ZNF804A: variants seen among roughly 807,000 people sequenced by gnomAD.
The protein encoded by ZNF804A is zinc finger protein 804A.
In ZNF804A, 2 loss-of-function variants were observed where a neutral mutation model predicts 16.5. The observed-to-expected ratio is 0.12, with a 90% CI of 0.05 to 0.38. The LOEUF (loss-of-function observed/expected upper bound fraction) is 0.38. ZNF804A is among the 10% of genes least tolerant of loss of function. The pLI, the probability that ZNF804A is intolerant of heterozygous loss-of-function variation, is 0.99. For missense variants in ZNF804A, 1,473 were observed against 1,390.7 expected, an observed-to-expected ratio of 1.06 and a Z score of -0.94; for synonymous variants, 534 against 489.6, an observed-to-expected ratio of 1.09 and a Z score of -1.20.
intron 1 of ZNF804A, among the ~76,000 whole-genome samples, chr2:184,734,657 G>T (rs1243963734): frequency 6.6e-6 from 1 of 152,128 alleles, no homozygotes; most frequent in Non-Finnish European, 1.5e-5. Context: ...GTTTGATAAT[G>T]TTGTTTATAG....
At position 184,879,370 on chromosome 2, in the gene ZNF804A, T is replaced by G. The variant is rs185696265; in HGVS notation, c.255+12858T>G. On this transcript the variant is annotated intron_variant, in intron 2 of 3. Transcript: ENST00000302277. Reference sequence around the variant, plus strand: ...AGGAAAGGAGAACATAGTGAAGTTTTCAACCTCATTTCCAATAAACATTTC... The same window carrying G: ...AGGAAAGGAGAACATAGTGAAGTTTGCAACCTCATTTCCAATAAACATTTC... 2.6e-5 allele frequency among the ~76,000 whole-genome samples: 4 copies of G among 152,166 alleles called. No individual in the cohort carries two copies. In the East Asian group the frequency reaches 7.7e-4, roughly 29 times the overall value.
At chr2:184,730,003 A>G (rs2105746839) in intron 1 of ZNF804A, among the ~76,000 whole-genome samples, 1 of 152,264 alleles carries the variant, frequency 6.6e-6, no homozygotes, top group Middle Eastern at 3.4e-3. Flanking sequence ...CTCATAGTAT[A>G]TGACCAATAA....
At chr2:184,747,582 A>C (rs973116987) in intron 1 of ZNF804A, among the ~76,000 whole-genome samples, 1 of 151,330 alleles carries the variant, frequency 6.6e-6, no homozygotes, top group African/African-American at 2.4e-5. Context: ...GTTTTAATTT[A>C]ATGTCATAAT....
At chr2:184,651,361 C>A (rs1387408328) in intron 1 of ZNF804A, among the ~76,000 whole-genome samples, 1 of 152,078 alleles carries the variant, frequency 6.6e-6, no homozygotes, top group Admixed American at 6.6e-5. Flanking sequence ...TAGGAAACAG[C>A]ATCCTGAACA....
chr2:184,859,981 T>A (rs1441132982), intron 1 of ZNF804A, among the ~76,000 whole-genome samples: 2 of 152,186 alleles, frequency 1.3e-5, no homozygotes. Flanking sequence ...GGCATTTGGT[T>A]CCATTGGGAT....
intron 1 of ZNF804A, among the ~76,000 whole-genome samples, chr2:184,819,648 A>G (rs1033389698): frequency 6.6e-6 from 1 of 151,814 alleles, no homozygotes; most frequent in African/African-American, 2.4e-5. Context: ...TTAAAAAAAA[A>G]AATTTAATAA....
chr2:184,925,036 G>A (rs374965493), intron 2 of ZNF804A, among the ~76,000 whole-genome samples: 11 of 151,872 alleles, frequency 7.2e-5, no homozygotes, highest in Admixed American at 2.6e-4. Flanking sequence ...GAAATGTGTC[G>A]TAAATATCTA....
intron 2 of ZNF804A, among the ~76,000 whole-genome samples, chr2:184,904,941 C>T (rs574663764): frequency 2.5e-4 from 38 of 152,080 alleles, no homozygotes; most frequent in Non-Finnish European, 4.0e-4. Context: ...TTAGTATGGC[C>T]TGCAATTTAA....
At chr2:184,930,179 TAA>T (rs762116315) in intron 2 of ZNF804A, among the ~76,000 whole-genome samples, 1 of 152,174 alleles carries the variant, frequency 6.6e-6, no homozygotes, top group East Asian at 1.9e-4. Context: ...TTTTAAGAAA[TAA>T]AAGTGACCAA....
chr2:184,868,522 A>G (rs567720582), intron 2 of ZNF804A, among the ~76,000 whole-genome samples: 149 of 152,136 alleles, frequency 9.8e-4, no homozygotes, highest in Non-Finnish European at 1.7e-3. Flanking sequence ...AAAAATGCCT[A>G]ATGTCTGATA....
chr2:184,604,797 A>T (rs1190227029), intron 1 of ZNF804A, among the ~76,000 whole-genome samples: 1 of 152,150 alleles, frequency 6.6e-6, no homozygotes, highest in Admixed American at 6.5e-5. Flanking sequence ...CTATCGTTAT[A>T]TTTTATTCTG....
chr2:184,905,184 T>C (rs1458125255), intron 2 of ZNF804A, among the ~76,000 whole-genome samples: 1 of 152,038 alleles, frequency 6.6e-6, no homozygotes, highest in Non-Finnish European at 1.5e-5. Flanking sequence ...AGGAGTGTAA[T>C]CCTTTGTCAT....
At chr2:184,671,815 G>A (rs1008275379) in intron 1 of ZNF804A, among the ~76,000 whole-genome samples, 1 of 152,130 alleles carries the variant, frequency 6.6e-6, no homozygotes, top group African/African-American at 2.4e-5. Context: ...TCTCTTTGCT[G>A]TTTTCTCCCA....
chr2:184,697,342 C>T (rs1446782064), intron 1 of ZNF804A, among the ~76,000 whole-genome samples: 1 of 151,924 alleles, frequency 6.6e-6, no homozygotes, highest in Non-Finnish European at 1.5e-5. Flanking sequence ...CGTGTCAAGC[C>T]TTTGTTTCTG....
intron 1 of ZNF804A, among the ~76,000 whole-genome samples, chr2:184,809,141 T>G (rs1694854058): frequency 6.6e-6 from 1 of 151,956 alleles, no homozygotes; most frequent in African/African-American, 2.4e-5. Flanking sequence ...TATATCATGC[T>G]GTGTATGGCA....
chr2:184,899,990 C>G (rs1558996820), intron 2 of ZNF804A, among the ~76,000 whole-genome samples: 1 of 151,546 alleles, frequency 6.6e-6, no homozygotes, highest in Non-Finnish European at 1.5e-5. Flanking sequence ...GTAGCAAATA[C>G]TAAAAAATGC....
chr2:184,903,900 A>G (rs1238334849), intron 2 of ZNF804A, among the ~76,000 whole-genome samples: 1 of 152,102 alleles, frequency 6.6e-6, no homozygotes, highest in Non-Finnish European at 1.5e-5. Context: ...CAAATATGAT[A>G]CATTCAAATA....
intron 1 of ZNF804A, among the ~76,000 whole-genome samples, chr2:184,691,382 A>G (rs1285302626): frequency 6.6e-6 from 1 of 151,924 alleles, no homozygotes; most frequent in Non-Finnish European, 1.5e-5. Context: ...TTTTGTTCCA[A>G]GTCAATTGGT....
chr2:184,887,344 C>T (rs1684909134), intron 2 of ZNF804A, among the ~76,000 whole-genome samples: 1 of 152,230 alleles, frequency 6.6e-6, no homozygotes, highest in Non-Finnish European at 1.5e-5. Flanking sequence ...CAACAAGCCT[C>T]AAGGAAGTTC....
Sources: allele counts gnomAD v4.1 joint callset (sites outside exome capture counted in the v4.1 genomes callset), GRCh38; gene constraint gnomAD v4.1.1; transcripts MANE v1.5; gene names NCBI Gene and HGNC (gene_info 2026-07-23, HGNC 2026-07-21).